The following KIF21A variants were observed in gnomAD, a reference collection of about 807,000 sequenced individuals.
KIF21A encodes kinesin-like protein KIF21A.
Under a neutral mutation model 202.9 loss-of-function variants are expected in KIF21A, and 114 were observed. That is an observed-to-expected ratio of 0.56 (90% CI 0.48 to 0.66). The LOEUF (loss-of-function observed/expected upper bound fraction) is 0.66, where lower values mean the gene tolerates loss of function less well. Among genes scored for constraint, KIF21A ranks in the 30% least tolerant of loss-of-function variants. KIF21A has a pLI of 0.00. For synonymous variants in KIF21A, 667 were observed against 670.8 expected (o/e 0.99, Z 0.09); for missense variants, 1,677 against 1,994.9 (o/e 0.84, Z 3.04).
chr12:39,390,728 G>C (rs938607359), intron 1 of KIF21A, among the ~76,000 whole-genome samples: 1 of 152,082 alleles, frequency 6.6e-6, no homozygotes, highest in African/African-American at 2.4e-5. Context: ...AATTGAAAGA[G>C]ATGATTAATA....
chr12:39,427,849 G>A (rs1954886431), intron 1 of KIF21A, among the ~76,000 whole-genome samples: 1 of 152,052 alleles, frequency 6.6e-6, no homozygotes, highest in Admixed American at 6.6e-5. Flanking sequence ...AATAGAGATG[G>A]GGTTTCACCA....
intron 12 of KIF21A, among the ~76,000 whole-genome samples, chr12:39,344,649 G>A (rs376627468): frequency 7.2e-5 from 11 of 152,086 alleles, no homozygotes; most frequent in Non-Finnish European, 1.3e-4. Flanking sequence ...TAAGTCATTC[G>A]TGCCACTTCT....
intron 32 of KIF21A, 25 bp from the exon 33 acceptor site, chr12:39,309,791 A>C (rs780900330): frequency 1.3e-6 from 2 of 1,591,814 alleles, no homozygotes; most frequent in Non-Finnish European, 1.7e-6. Context: ...TAAAAAAAAG[A>C]AAACACCATT....
At chr12:39,383,934 A>G (rs1950779405) in intron 1 of KIF21A, among the ~76,000 whole-genome samples, 1 of 152,234 alleles carries the variant, frequency 6.6e-6, no homozygotes, top group South Asian at 2.1e-4. Flanking sequence ...ATAGATTTTG[A>G]TATTAAGGGT....
chr12:39,346,047 C>A (rs1049194832), intron 12 of KIF21A, among the ~76,000 whole-genome samples: 6 of 151,912 alleles, frequency 3.9e-5, no homozygotes, highest in African/African-American at 1.4e-4. Context: ...CAGAGGCCCA[C>A]CCATGATTCA....
intron 27 of KIF21A, chr12:39,321,647 G>A (rs1271667018): frequency 3.3e-5 from 5 of 152,296 alleles, no homozygotes; most frequent in African/African-American, 1.2e-4. Flanking sequence ...TAGCAGATGG[G>A]ATACTGAATG....
intron 5 of KIF21A, 21 bp downstream of exon 5, chr12:39,367,009 A>G: frequency 1.9e-6 from 3 of 1,609,196 alleles, no homozygotes; most frequent in Non-Finnish European, 2.6e-6. Flanking sequence ...AAAGTTTAAG[A>G]AATTAGAATT....
intron 1 of KIF21A, among the ~76,000 whole-genome samples, chr12:39,374,643 C>T (rs1247857931): frequency 6.6e-6 from 1 of 152,030 alleles, no homozygotes; most frequent in Non-Finnish European, 1.5e-5. Context: ...TGACTTACCC[C>T]TATAAACTAC....
At chr12:39,389,751 T>A (rs1951213080) in intron 1 of KIF21A, among the ~76,000 whole-genome samples, 1 of 152,042 alleles carries the variant, frequency 6.6e-6, no homozygotes, top group Non-Finnish European at 1.5e-5. Flanking sequence ...GTGCAGGGCA[T>A]TTTTTTTCTG....
chr12:39,367,425 T>C (rs985108005), intron 4 of KIF21A, among the ~76,000 whole-genome samples: 17 of 152,210 alleles, frequency 1.1e-4, no homozygotes, highest in Admixed American at 1.0e-3. Flanking sequence ...AAAACTGTTA[T>C]AGTAGAACAC....
chr12:39,405,957 G>A (rs967029708), intron 1 of KIF21A, among the ~76,000 whole-genome samples: 2 of 152,132 alleles, frequency 1.3e-5, no homozygotes, highest in Non-Finnish European at 2.9e-5. Flanking sequence ...TTGTGTAGAA[G>A]AAAATTTCCC....
rs753911414 is a variant in KIF21A, at chr12:39,301,466, A to G, written c.4931+14T>C. On this transcript the variant is annotated intron_variant, in intron 37 of 37. Coordinates refer to ENST00000361418, the MANE Select transcript of KIF21A (RefSeq NM_001173464.2). ...AGCAACCAATATAGAGAAAAATCAT[A>G]TAAGAAAACTTACTCAGCTGCAGTA... 4.4e-6 allele frequency: 7 copies of G among 1,604,984 alleles called. No individual in the cohort carries two copies. Among genetic ancestry groups the G allele is most frequent in the Non-Finnish European group, 6.0e-6 (7 of 1,171,626 alleles).
At position 39,312,552 on chromosome 12, in the gene KIF21A, C is replaced by T. The variant is rs185577496; in HGVS notation, c.3960-999G>A. On this transcript the variant is annotated intron_variant, in intron 31 of 37. Coordinates refer to ENST00000361418, the MANE Select transcript of KIF21A (RefSeq NM_001173464.2). ...TTGTTTGCAACACAAAGGATAATTG[C>T]TTGAGGGGATGGCTACCCCATTCTC... The T allele has an allele frequency of 6.6e-5, 10 of 152,038 alleles. No individual in the cohort carries two copies. The East Asian group carries it at 1.9e-3, about 29-fold the overall frequency. The allele number at this position is 152,038 out of a possible 1,614,324, so 9.4% of individuals were successfully genotyped here.
intron 27 of KIF21A, among the ~76,000 whole-genome samples, chr12:39,320,619 T>C (rs1270229471): frequency 6.6e-6 from 1 of 151,108 alleles, no homozygotes; most frequent in African/African-American, 2.4e-5. Context: ...TATATGGTGG[T>C]AATGAATTTT....
intron 1 of KIF21A, among the ~76,000 whole-genome samples, chr12:39,439,922 C>T (rs1000869258): frequency 2.6e-5 from 4 of 152,026 alleles, no homozygotes; most frequent in Non-Finnish European, 5.9e-5. Flanking sequence ...ACTAATAAAC[C>T]TCTAATAAAA....
At chr12:39,384,309 T>G (rs979753254) in intron 1 of KIF21A, among the ~76,000 whole-genome samples, 8 of 152,210 alleles carry the variant, frequency 5.3e-5, no homozygotes, top group Non-Finnish European at 1.2e-4. Context: ...GAATAGAATT[T>G]TATTAATATG....
intron 37 of KIF21A, among the ~76,000 whole-genome samples, chr12:39,296,023 G>GT (rs1343251030): frequency 8.9e-5 from 2 of 22,486 alleles, no homozygotes; most frequent in Non-Finnish European, 1.7e-4. Context: ...TTGTTTGTTT[G>GT]TTAAAAAAAA....
In KIF21A at chr12:39,318,066, G is replaced by T; in HGVS notation, c.3908+7C>A. 1.2e-6 allele frequency: 2 copies of T among 1,611,148 alleles called. No individual in the cohort carries two copies. The highest frequency in any genetic ancestry group is 2.2e-5 in the South Asian group (2 of 90,928). On this transcript the variant is annotated splice_region_variant and intron_variant, in intron 29 of 37. Coordinates refer to ENST00000361418, the MANE Select transcript of KIF21A (RefSeq NM_001173464.2). ...AATAATTGGGGCTCTTTTCCATAAT[G>T]ACTTACTTATCCTGCTGAACTGATG...
At position 39,294,427 on chromosome 12, in the gene KIF21A, A is replaced by G. The variant is rs748041386; in HGVS notation, c.5022T>C (p.Asn1674=). 6.2e-7 allele frequency: 1 copy of G among 1,607,220 alleles called. No individual in the cohort carries two copies. Among genetic ancestry groups the G allele is most frequent in the South Asian group, 1.1e-5 (1 of 90,926 alleles). ...TACAACCTATCTTCATTCATGTTTA[A>G]TTACTGGCAATATCTTCCCCCAGAT... ...TGDLGEDIAS[N] The change falls in exon 38 of 38, where the codon AAT becomes AAC. Residue 1674 remains asparagine, a synonymous_variant. Transcript: ENST00000361418.
Sources: allele counts gnomAD v4.1 joint callset (sites outside exome capture counted in the v4.1 genomes callset), GRCh38; gene constraint gnomAD v4.1.1; transcripts MANE v1.5; gene names NCBI Gene and HGNC (gene_info 2026-07-23, HGNC 2026-07-21).